DENND1B: variants seen among roughly 807,000 people sequenced by gnomAD.
DENND1B encodes DENN domain-containing protein 1B.
Under a neutral mutation model 90.1 loss-of-function variants are expected in DENND1B, and 59 were observed. The observed-to-expected ratio is 0.65, with a 90% CI of 0.53 to 0.81. The LOEUF (loss-of-function observed/expected upper bound fraction) is 0.81. DENND1B is among the 40% of genes least tolerant of loss of function. The pLI is 0.00. For synonymous variants in DENND1B, 337 were observed against 324.6 expected (o/e 1.04, Z -0.41); for missense variants, 862 against 912.6 (o/e 0.94, Z 0.71).
rs1025922350 is a variant in DENND1B at position 197,505,669 on chromosome 1, A to C, written c.*4791T>G. Reference sequence around the variant, plus strand: ...CTCATTCAAGTATAATAAAGTAGAAATCTATAGAAGCTCTAAGATTAAACA... The same window carrying C: ...CTCATTCAAGTATAATAAAGTAGAACTCTATAGAAGCTCTAAGATTAAACA... On this transcript the variant is annotated 3_prime_UTR_variant, in exon 23 of 23. Transcript: ENST00000620048. The C allele has an allele frequency of 6.6e-6, 1 of 150,640 alleles. No individual in the cohort carries two copies. Among genetic ancestry groups the C allele is most frequent in the Non-Finnish European group, 1.5e-5 (1 of 67,346 alleles). The allele number at this position is 150,640 out of a possible 1,614,324, so 9.3% of individuals were successfully genotyped here.
At position 197,546,638 on chromosome 1, in the gene DENND1B, C is replaced by A. The variant is rs138400756; in HGVS notation, c.1281+95G>T. 8.4e-4 allele frequency: 879 copies of A among 1,045,558 alleles called. 8 individuals are homozygous for A. The African/African-American group carries it at 0.013, about 16-fold the overall frequency. 64.8% of individuals were successfully genotyped at this position (1,045,558 alleles called of 1,614,324 possible). ...AAATATACAAACATTTCAAATATTT[C>A]AAATAAACAGCATAAGTATAAACAG... On this transcript the variant is annotated intron_variant, in intron 17 of 22. Transcript: ENST00000620048.
intron 10 of DENND1B, among the ~76,000 whole-genome samples, chr1:197,629,319 C>G (rs935358408): frequency 6.6e-6 from 1 of 152,008 alleles, no homozygotes; most frequent in African/African-American, 2.4e-5. Context: ...AAATGTGGCA[C>G]ATATACACCA....
intron 13 of DENND1B, among the ~76,000 whole-genome samples, chr1:197,598,941 C>G (rs967218211): frequency 1.3e-5 from 2 of 151,702 alleles, no homozygotes; most frequent in Non-Finnish European, 2.9e-5. Flanking sequence ...TTTCATTGCT[C>G]TTATCAAATG....
chr1:197,720,568 T>TG (rs11371046), intron 2 of DENND1B, among the ~76,000 whole-genome samples: 126,508 of 152,012 alleles, frequency 0.83, 52,862 homozygotes, highest in African/African-American at 0.9. Context: ...TCAGCCTGAT[T>TG]AAAAAAAACG....
intron 3 of DENND1B, among the ~76,000 whole-genome samples, chr1:197,695,310 T>C (rs1379139817): frequency 1.3e-5 from 2 of 150,988 alleles, no homozygotes; most frequent in African/African-American, 2.4e-5. Flanking sequence ...CAATAGTATA[T>C]TGGTATAGTG....
At chr1:197,610,240 C>G (rs1234565440) in intron 12 of DENND1B, among the ~76,000 whole-genome samples, 15 of 150,410 alleles carry the variant, frequency 1.0e-4, no homozygotes, top group African/African-American at 3.6e-4. Flanking sequence ...ATAATAAGAG[C>G]CAATTTAAAG....
In DENND1B at chr1:197,505,786, A is replaced by C. The variant is rs988324341; in HGVS notation, c.*4674T>G. 2 of 151,734 alleles carry C rather than the reference A, an allele frequency of 1.3e-5. No homozygotes were observed. Among genetic ancestry groups the C allele is most frequent in the Non-Finnish European group, 3.0e-5 (2 of 67,732 alleles). The allele number at this position is 151,734 out of a possible 1,614,324, so 9.4% of individuals were successfully genotyped here. ...TTATCAAAGATTCATCACAAAGGAT[A>C]CTACAATCCACATATGTAATCATCA... is the stretch of plus-strand genomic sequence containing the variant. On this transcript the variant is annotated 3_prime_UTR_variant, in exon 23 of 23. Transcript: ENST00000620048.
intron 3 of DENND1B, among the ~76,000 whole-genome samples, chr1:197,705,080 G>C (rs1368474838): frequency 6.6e-6 from 1 of 152,122 alleles, no homozygotes; most frequent in Non-Finnish European, 1.5e-5. Context: ...GTGAAACAAA[G>C]AGCTTTTTAA....
At chr1:197,585,687 TAAC>T (rs990316857) in intron 14 of DENND1B, among the ~76,000 whole-genome samples, 1 of 152,188 alleles carries the variant, frequency 6.6e-6, no homozygotes, top group Non-Finnish European at 1.5e-5. Flanking sequence ...TCTCTGATAA[TAAC>T]AAAAGGCAAA....
chr1:197,576,341 T>C (rs943324271), intron 15 of DENND1B, among the ~76,000 whole-genome samples: 1 of 152,124 alleles, frequency 6.6e-6, no homozygotes, highest in African/African-American at 2.4e-5. Flanking sequence ...GCACCTTATA[T>C]AGTGTGATAC....
intron 18 of DENND1B, chr1:197,545,567 T>A (rs994800083): frequency 6.0e-5 from 12 of 200,030 alleles, no homozygotes; most frequent in Non-Finnish European, 4.0e-5. Flanking sequence ...TATTTTTCTT[T>A]TTTTTTTTCT....
At chr1:197,576,676 A>G (rs540640927) in intron 15 of DENND1B, among the ~76,000 whole-genome samples, 1 of 152,230 alleles carries the variant, frequency 6.6e-6, no homozygotes, top group Non-Finnish European at 1.5e-5. Flanking sequence ...GGGCTTCTAC[A>G]GCCACCCCCT....
chr1:197,538,813 T>C (rs1670110156), intron 20 of DENND1B, among the ~76,000 whole-genome samples: 1 of 151,980 alleles, frequency 6.6e-6, no homozygotes, highest in Non-Finnish European at 1.5e-5. Flanking sequence ...TATTAAGAAG[T>C]GGGACTTTTA....
chr1:197,517,742 A>C (rs530853556), intron 20 of DENND1B, among the ~76,000 whole-genome samples: 1 of 151,984 alleles, frequency 6.6e-6, no homozygotes, highest in South Asian at 2.1e-4. Flanking sequence ...CCTTGCACAG[A>C]GGGATCTGGC....
intron 2 of DENND1B, among the ~76,000 whole-genome samples, chr1:197,753,791 A>C (rs1402885831): frequency 6.6e-6 from 1 of 152,060 alleles, no homozygotes; most frequent in Non-Finnish European, 1.5e-5. Flanking sequence ...GCCTGAAGTC[A>C]GGAGTTCGAG....
intron 20 of DENND1B, among the ~76,000 whole-genome samples, chr1:197,521,570 A>G (rs1384212259): frequency 6.6e-6 from 1 of 152,018 alleles, no homozygotes; most frequent in East Asian, 1.9e-4. Context: ...TTGCTTATCT[A>G]AAGTCTACAA....
intron 2 of DENND1B, among the ~76,000 whole-genome samples, chr1:197,715,771 C>A (rs1184302376): frequency 6.6e-6 from 1 of 151,736 alleles, no homozygotes; most frequent in East Asian, 1.9e-4. Context: ...TTGTTTCTCA[C>A]AGTATTTCTC....
chr1:197,670,514 G>C (rs920753529), intron 5 of DENND1B, among the ~76,000 whole-genome samples: 9 of 149,474 alleles, frequency 6.0e-5, no homozygotes, highest in Non-Finnish European at 1.2e-4. Flanking sequence ...GTAGGGGAGA[G>C]GGGGAGAGAG....
chr1:197,518,130 T>C (rs1239684162), intron 20 of DENND1B, among the ~76,000 whole-genome samples: 1 of 151,866 alleles, frequency 6.6e-6, no homozygotes, highest in Non-Finnish European at 1.5e-5. Flanking sequence ...GTGTCATACA[T>C]ACTAGTTCCA....
Sources: gnomAD v4.1 joint callset for allele counts (sites outside exome capture counted in the v4.1 genomes callset) on GRCh38, gnomAD v4.1.1 for gene constraint, MANE v1.5 for transcripts, NCBI Gene and HGNC (gene_info 2026-07-23, HGNC 2026-07-21) for gene names.